EXOC6B: variants seen among roughly 807,000 people sequenced by gnomAD.
EXOC6B encodes exocyst complex component 6B.
A neutral mutation model predicts 113.5 loss-of-function variants in EXOC6B; 54 were observed. The ratio of observed to expected loss-of-function variants is 0.48; its 90% confidence interval spans 0.38 to 0.60. The LOEUF is 0.60. Ranked by LOEUF, EXOC6B falls within the 20% of genes least tolerant of loss-of-function variation. The pLI, the probability that EXOC6B is intolerant of heterozygous loss-of-function variation, is 0.00. For synonymous variants in EXOC6B, 357 were observed against 339.0 expected (o/e 1.05, Z -0.58); for missense variants, 797 against 977.5 (o/e 0.82, Z 2.46).
intron 6 of EXOC6B, among the ~76,000 whole-genome samples, chr2:72,673,227 T>C (rs1321058074): frequency 1.3e-5 from 2 of 152,182 alleles, no homozygotes; most frequent in East Asian, 3.8e-4. Flanking sequence ...TGGGTACATA[T>C]TAGAATCAGC....
At chr2:72,256,634 C>T (rs913496589) in intron 20 of EXOC6B, among the ~76,000 whole-genome samples, 2 of 152,150 alleles carry the variant, frequency 1.3e-5, no homozygotes, top group African/African-American at 2.4e-5. Flanking sequence ...TCATCTGAAT[C>T]GTGTTGGAGA....
intron 6 of EXOC6B, among the ~76,000 whole-genome samples, chr2:72,674,238 A>G (rs1676116134): frequency 1.3e-5 from 2 of 152,124 alleles, no homozygotes; most frequent in Admixed American, 6.6e-5. Context: ...GGTCCTTTCA[A>G]TTCCCACCAA....
In EXOC6B at chr2:72,365,982, C is replaced by T. The variant is rs547832762; in HGVS notation, c.2122+13747G>A. ...ATTGCAAATAACTAAAATCCATGTG[C>T]AAACAAAATATAATATTATTTAAAG... On this transcript the variant is annotated intron_variant, in intron 19 of 21. Transcript: ENST00000272427. 1.1e-3 allele frequency among the ~76,000 whole-genome samples: 165 copies of T among 151,924 alleles called. 1 individual carries two copies. The highest frequency in any genetic ancestry group is 2.0e-3 in the African/African-American group (84 of 41,432).
intron 1 of EXOC6B, among the ~76,000 whole-genome samples, chr2:72,765,843 G>A (rs564188619): frequency 6.6e-6 from 1 of 152,088 alleles, no homozygotes; most frequent in African/African-American, 2.4e-5. Flanking sequence ...TGAAGTTCCC[G>A]GGAAAGGGAA....
intron 20 of EXOC6B, among the ~76,000 whole-genome samples, chr2:72,307,748 G>A (rs1182985785): frequency 1.3e-5 from 2 of 152,070 alleles, no homozygotes; most frequent in Non-Finnish European, 2.9e-5. Context: ...TGCCTCAGGA[G>A]TTTTAGAACA....
intron 19 of EXOC6B, among the ~76,000 whole-genome samples, chr2:72,376,889 T>G (rs1691396961): frequency 6.7e-6 from 1 of 150,372 alleles, no homozygotes; most frequent in Non-Finnish European, 1.5e-5. Flanking sequence ...TATTGAGTTT[T>G]GTTAGAAGGC....
chr2:72,394,663 A>G (rs1301487289), intron 18 of EXOC6B, among the ~76,000 whole-genome samples: 3 of 152,204 alleles, frequency 2.0e-5, no homozygotes, highest in Non-Finnish European at 4.4e-5. Context: ...ATTAACAAAG[A>G]CATGTCTTTG....
At chr2:72,584,993 G>T (rs186296216) in intron 6 of EXOC6B, among the ~76,000 whole-genome samples, 1 of 152,128 alleles carries the variant, frequency 6.6e-6, no homozygotes, top group East Asian at 1.9e-4. Context: ...CAAGATATCT[G>T]GGATGCAACA....
At chr2:72,611,138 G>A (rs768812794) in intron 6 of EXOC6B, among the ~76,000 whole-genome samples, 5 of 152,076 alleles carry the variant, frequency 3.3e-5, no homozygotes, top group Admixed American at 6.6e-5. Flanking sequence ...CAAGGCAGGT[G>A]GATCACATGA....
rs770362506 is a variant in EXOC6B, at chr2:72,446,191, T to C, written c.1980+18969A>G. On this transcript the variant is annotated intron_variant, in intron 18 of 21. Coordinates refer to ENST00000272427, the MANE Select transcript of EXOC6B (RefSeq NM_015189.3). ...TCATTTTGCCATAAAGACACATGCA[T>C]GCAAATGTCCATTCACTATAGAAAA... is the stretch of plus-strand genomic sequence containing the variant. Among the ~76,000 whole-genome samples the C allele has an allele frequency of 2.6e-5, 4 of 152,202 alleles. No homozygotes were observed. The South Asian group carries it at 6.2e-4, about 24-fold the overall frequency.
At chr2:72,497,056 C>G (rs1031849516) in intron 13 of EXOC6B, among the ~76,000 whole-genome samples, 1 of 150,944 alleles carries the variant, frequency 6.6e-6, no homozygotes, top group African/African-American at 2.4e-5. Context: ...TCACTGTAAC[C>G]TCAAACTCTG....
intron 18 of EXOC6B, among the ~76,000 whole-genome samples, chr2:72,396,804 T>C (rs541383448): frequency 6.6e-6 from 1 of 152,154 alleles, no homozygotes; most frequent in Non-Finnish European, 1.5e-5. Flanking sequence ...TGCCAAATTG[T>C]GTTATTGAAG....
chr2:72,487,468 C>G (rs907236023), intron 16 of EXOC6B, among the ~76,000 whole-genome samples: 2 of 152,298 alleles, frequency 1.3e-5, no homozygotes, highest in Non-Finnish European at 1.5e-5. Context: ...TCAAGCGATT[C>G]TCCCGGCTCA....
chr2:72,414,758 C>G (rs985055755), intron 18 of EXOC6B, among the ~76,000 whole-genome samples: 60 of 152,190 alleles, frequency 3.9e-4, no homozygotes, highest in African/African-American at 1.4e-3. Flanking sequence ...CTCAACTCTA[C>G]ATAAATTTAC....
chr2:72,473,455 T>G (rs1318411073), intron 17 of EXOC6B, among the ~76,000 whole-genome samples: 2 of 152,106 alleles, frequency 1.3e-5, no homozygotes, highest in Admixed American at 6.5e-5. Flanking sequence ...TTTCTTACTG[T>G]TTTTTATTTA....
chr2:72,528,295 G>GTCTA (rs1291047477), intron 8 of EXOC6B, among the ~76,000 whole-genome samples: 1 of 151,870 alleles, frequency 6.6e-6, no homozygotes, highest in African/African-American at 2.4e-5. Context: ...TCTCTCTTTG[G>GTCTA]TCTATGGCTG....
intron 7 of EXOC6B, among the ~76,000 whole-genome samples, chr2:72,561,297 A>G (rs1444335836): frequency 6.6e-6 from 1 of 152,166 alleles, no homozygotes; most frequent in Non-Finnish European, 1.5e-5. Context: ...CTACACATGC[A>G]TATGAAAAAA....
At chr2:72,612,645 G>C (rs966839033) in intron 6 of EXOC6B, among the ~76,000 whole-genome samples, 3 of 152,148 alleles carry the variant, frequency 2.0e-5, no homozygotes, top group African/African-American at 7.2e-5. Context: ...TAAAATTATG[G>C]GAGGATAAAG....
intron 18 of EXOC6B, among the ~76,000 whole-genome samples, chr2:72,440,594 C>T (rs957543142): frequency 6.6e-6 from 1 of 152,140 alleles, no homozygotes; most frequent in Admixed American, 6.5e-5. Context: ...GTACACAGAC[C>T]AGGTACACTA....
Sources: gnomAD v4.1 joint callset for allele counts (sites outside exome capture counted in the v4.1 genomes callset) on GRCh38, gnomAD v4.1.1 for gene constraint, MANE v1.5 for transcripts, NCBI Gene and HGNC (gene_info 2026-07-23, HGNC 2026-07-21) for gene names.